The following LAMA4 variants were observed in gnomAD, a reference collection of about 807,000 sequenced individuals.
The protein encoded by LAMA4 is laminin subunit alpha-4.
LAMA4 carries 127 observed loss-of-function variants against 207.1 expected under a neutral mutation model. That is an observed-to-expected ratio of 0.61 (90% CI 0.53 to 0.71). The LOEUF is 0.71. LAMA4 is among the 30% of genes least tolerant of loss of function. LAMA4 has a pLI of 0.00. For synonymous variants in LAMA4, 761 were observed against 816.0 expected (o/e 0.93, Z 1.15); for missense variants, 2,093 against 2,246.5 (o/e 0.93, Z 1.38).
chr6:112,206,979 T>G (rs1554354482), intron 4 of LAMA4, 42 bp downstream of exon 4: 1 of 1,603,222 alleles, frequency 6.2e-7, no homozygotes, highest in East Asian at 2.2e-5. Flanking sequence ...AAACAATACA[T>G]AGACTGATCA....
intron 38 of LAMA4, among the ~76,000 whole-genome samples, chr6:112,112,880 T>A (rs1236377815): frequency 6.6e-6 from 1 of 152,122 alleles, no homozygotes; most frequent in Non-Finnish European, 1.5e-5. Flanking sequence ...AATAATCTAT[T>A]AGAAGATTAT....
At chr6:112,120,152 A>C in intron 33 of LAMA4, 131 bp downstream of exon 33, 1 of 729,598 alleles carries the variant, frequency 1.4e-6, no homozygotes. Flanking sequence ...AATTTTTTGA[A>C]ATTGAATTCT....
At chr6:112,195,314 T>G (rs374593791) in intron 5 of LAMA4, among the ~76,000 whole-genome samples, 5 of 152,294 alleles carry the variant, frequency 3.3e-5, no homozygotes, top group African/African-American at 1.2e-4. Context: ...GAAATAAGGC[T>G]AGGAAAACGT....
intron 9 of LAMA4, chr6:112,179,810 T>C (rs954671610): frequency 3.7e-5 from 16 of 436,720 alleles, no homozygotes; most frequent in Non-Finnish European, 6.9e-5. Context: ...GCAAGGCTCC[T>C]GTAGTCACAG....
rs1779539268 is a variant in LAMA4, at chr6:112,139,258, G to A, written c.3144C>T (p.Ala1048=). ...DKLAFTQSRA[A]SYFFDGSGYA... ...AACCGGAGCCATCGAAGAAGTAACT[G>A]GCAGCCCGACTCTGAGTGAAGGCCA... Residue 1048 remains alanine (A), a synonymous_variant, in exon 24 of 39, where the codon GCC becomes GCT. Coordinates refer to ENST00000230538, the MANE Select transcript of LAMA4 (RefSeq NM_001105206.3). The A allele has an allele frequency of 6.2e-7, 1 of 1,614,032 alleles. No individual in the cohort carries two copies. Among genetic ancestry groups the A allele is most frequent in the Admixed American group, 1.7e-5 (1 of 60,008 alleles).
Position 112,139,154 on chromosome 6 carries a change from G to T in LAMA4, c.3248C>A (p.Ala1083Asp), listed in dbSNP as rs561609017. 1 of 1,614,142 alleles carries T rather than the reference G, an allele frequency of 6.2e-7. No individual in the cohort carries two copies. Among genetic ancestry groups the T allele is most frequent in the Admixed American group, 1.7e-5 (1 of 60,018 alleles). ...CATCAGGAGAATAAGGCCGTTGTCA[G>T]CTGGTGTTCGAACTTCTATGTCAAA... Reference protein sequence around the residue: ...TRFDIEVRTPADNGLILLMVN... With the variant: ...TRFDIEVRTPDDNGLILLMVN... Residue 1083 changes from alanine (A) to aspartate (D), a missense_variant, in exon 24 of 39, where the codon GCT becomes GAT. Ala to Asp is a moderately radical substitution (Grantham distance 126). Transcript: ENST00000230538.
intron 2 of LAMA4, among the ~76,000 whole-genome samples, chr6:112,249,339 A>C (rs1411262099): frequency 7.0e-6 from 1 of 143,838 alleles, no homozygotes; most frequent in African/African-American, 2.6e-5. Context: ...GCTACTTGGG[A>C]GGCTGAGGCA....
Position 112,144,832 on chromosome 6 carries a change from G to A in LAMA4, c.2455C>T (p.Arg819Ter), listed in dbSNP as rs148409597. 2 of 1,613,796 alleles carry A rather than the reference G, an allele frequency of 1.2e-6. No individual in the cohort carries two copies. Among genetic ancestry groups the A allele is most frequent in the Non-Finnish European group, 1.7e-6 (2 of 1,180,006 alleles). The change falls in exon 19 of 39, where the codon CGA becomes TGA. Residue 819 changes from arginine (R) to a stop codon, truncating the protein, a stop_gained. Transcript: ENST00000230538. LOFTEE classifies it high-confidence loss of function. Reference protein sequence around the residue: ...SNVSASIQRIRELIAQTRSVA... With the variant: ...SNVSASIQRI ...CTTCTGGTCTGAGCAATGAGCTCTC[G>A]GATCCTCTGGATGCTGGCAGAAACG...
chr6:112,181,826 C>T (rs1312869011), intron 9 of LAMA4, among the ~76,000 whole-genome samples: 10 of 152,264 alleles, frequency 6.6e-5, no homozygotes, highest in South Asian at 6.2e-4. Context: ...AGGCCGGGCG[C>T]GGTGGCTCAC....
At chr6:112,165,325 A>G in intron 12 of LAMA4, 49 bp from the exon 13 acceptor site, 1 of 1,244,302 alleles carries the variant, frequency 8.0e-7, no homozygotes, top group Non-Finnish European at 1.2e-6. Context: ...GTCTTTAGGG[A>G]AAGCGTTGGG....
At chr6:112,193,578 G>A (rs1783242484) in intron 5 of LAMA4, among the ~76,000 whole-genome samples, 1 of 152,086 alleles carries the variant, frequency 6.6e-6, no homozygotes, top group South Asian at 2.1e-4. Flanking sequence ...TCTTGGTGTA[G>A]TTGTAGTGAT....
chr6:112,221,056 T>G (rs991670566), intron 2 of LAMA4, among the ~76,000 whole-genome samples: 4 of 152,094 alleles, frequency 2.6e-5, no homozygotes, highest in African/African-American at 9.7e-5. Context: ...CTTCTAGGGA[T>G]CTAAGGTCCC....
chr6:112,133,315 T>C (rs782132208), intron 27 of LAMA4, 34 bp downstream of exon 27: 4 of 1,609,714 alleles, frequency 2.5e-6, no homozygotes. Context: ...AAGTATTGTG[T>C]CTATTAAAAA....
chr6:112,119,390 A>G (rs1554325350), intron 33 of LAMA4, 79 bp from the exon 34 acceptor site: 1 of 1,470,040 alleles, frequency 6.8e-7, no homozygotes, highest in Non-Finnish European at 9.5e-7. Context: ...TCTTCTTCCA[A>G]CTTTGCTATT....
intron 18 of LAMA4, 57 bp from the exon 19 acceptor site, chr6:112,144,990 A>G: frequency 6.9e-7 from 1 of 1,449,808 alleles, no homozygotes; most frequent in Non-Finnish European, 9.5e-7. Context: ...TATTTCAAGA[A>G]TCAGATGTAG....
At chr6:112,229,702 A>G (rs145332812) in intron 2 of LAMA4, among the ~76,000 whole-genome samples, 92 of 152,360 alleles carry the variant, frequency 6.0e-4, no homozygotes, top group African/African-American at 2.2e-3. Context: ...AAGTTGCACT[A>G]TCTAAAGAAA....
chr6:112,188,404 A>T (rs1159014089), intron 7 of LAMA4, among the ~76,000 whole-genome samples: 1 of 152,202 alleles, frequency 6.6e-6, no homozygotes, highest in African/African-American at 2.4e-5. Context: ...CTGTTCAATC[A>T]GGGTGTAAAC....
chr6:112,254,429 C>A (rs559464022), intron 1 of LAMA4, 30 bp downstream of exon 1: 1 of 506,594 alleles, frequency 2.0e-6, no homozygotes, highest in African/African-American at 1.9e-5. Flanking sequence ...GAGGTTCTGG[C>A]TCAAGAACCT....
At chr6:112,135,049 T>G (rs1289668419) in intron 25 of LAMA4, among the ~76,000 whole-genome samples, 2 of 152,184 alleles carry the variant, frequency 1.3e-5, no homozygotes, top group Non-Finnish European at 2.9e-5. Context: ...TCATATCATC[T>G]TACAATCAAG....
Sources: gnomAD v4.1 joint callset for allele counts (sites outside exome capture counted in the v4.1 genomes callset) on GRCh38, gnomAD v4.1.1 for gene constraint, MANE v1.5 for transcripts, NCBI Gene and HGNC (gene_info 2026-07-23, HGNC 2026-07-21) for gene names.